THSD4: variants seen among roughly 807,000 people sequenced by gnomAD.
THSD4 encodes the protein thrombospondin type 1 domain containing 4, also known as thrombospondin type-1 domain-containing protein 4.
THSD4 carries 69 observed loss-of-function variants against 119.0 expected under a neutral mutation model. That is an observed-to-expected ratio of 0.58 (90% CI 0.48 to 0.71). The LOEUF is 0.71. Ranked by LOEUF, THSD4 falls within the 30% of genes least tolerant of loss-of-function variation. The probability of loss-of-function intolerance (pLI) is 0.00; values close to 1 mark genes in which losing one functional copy is unlikely to be tolerated. For synonymous variants in THSD4, 524 were observed against 540.4 expected, an observed-to-expected ratio of 0.97 and a Z score of 0.42; for missense variants, 1,393 against 1,391.1, an observed-to-expected ratio of 1.00 and a Z score of -0.02.
intron 7 of THSD4, among the ~76,000 whole-genome samples, chr15:71,596,119 TGTGA>T (rs373926195): frequency 1.6e-4 from 25 of 152,356 alleles, no homozygotes; most frequent in African/African-American, 5.3e-4. Context: ...GCTTTTATCT[TGTGA>T]GTATTTGTTT....
chr15:71,744,866 A>AT (rs1282405240), intron 11 of THSD4, among the ~76,000 whole-genome samples: 1 of 152,180 alleles, frequency 6.6e-6, no homozygotes, highest in African/African-American at 2.4e-5. Flanking sequence ...CAAATAGATT[A>AT]TTGATTCCTT....
At chr15:71,265,200 C>A (rs184766957) in intron 6 of THSD4, among the ~76,000 whole-genome samples, 9 of 152,134 alleles carry the variant, frequency 5.9e-5, no homozygotes, top group Admixed American at 5.9e-4. Flanking sequence ...TCTGCAGCTC[C>A]CAGCAAGATC....
intron 3 of THSD4, among the ~76,000 whole-genome samples, chr15:71,199,891 GTATGTGTGTGTGGTGCATGTGT>G (rs1271598812): frequency 6.3e-4 from 36 of 56,792 alleles, no homozygotes; most frequent in Non-Finnish European, 1.0e-3. Context: ...TGCATGTGTG[GTATGTGTGTGTGGTGCATGTGT>G]GGGGTGTGTG....
chr15:71,232,746 G>A (rs760274367), intron 4 of THSD4, among the ~76,000 whole-genome samples: 4 of 152,158 alleles, frequency 2.6e-5, no homozygotes, highest in Non-Finnish European at 4.4e-5. Flanking sequence ...GATGAAGGGT[G>A]GAATGTGACA....
At chr15:71,402,807 G>A (rs2046555186) in intron 6 of THSD4, among the ~76,000 whole-genome samples, 1 of 152,132 alleles carries the variant, frequency 6.6e-6, no homozygotes, top group Non-Finnish European at 1.5e-5. Context: ...GGTTATCTGG[G>A]CACCATAGTG....
At chr15:71,466,344 CAA>C (rs66981958) in intron 7 of THSD4, among the ~76,000 whole-genome samples, 28,278 of 117,208 alleles carry the variant, frequency 0.24, 2,959 homozygotes, top group South Asian at 0.41. Context: ...GACTCCATCT[CAA>C]AAAAAAAAAA....
At chr15:71,155,189 G>C (rs144726182) in intron 3 of THSD4, among the ~76,000 whole-genome samples, 1 of 152,194 alleles carries the variant, frequency 6.6e-6, no homozygotes, top group South Asian at 2.1e-4. Flanking sequence ...GGTCATCTGC[G>C]TGGCTTCTGT....
At chr15:71,340,373 T>TGG (rs1352228770) in intron 6 of THSD4, among the ~76,000 whole-genome samples, 2 of 152,206 alleles carry the variant, frequency 1.3e-5, no homozygotes, top group African/African-American at 4.8e-5. Context: ...GAACTCTGAA[T>TGG]GGGAGCTTAG....
At chr15:71,116,059 C>T (rs1019381416) in intron 1 of THSD4, among the ~76,000 whole-genome samples, 1 of 152,228 alleles carries the variant, frequency 6.6e-6, no homozygotes, top group African/African-American at 2.4e-5. Flanking sequence ...CGGGTCGGGT[C>T]GGAGGGGACC....
chr15:71,237,935 A>G (rs1329989357), intron 4 of THSD4, among the ~76,000 whole-genome samples: 1 of 152,144 alleles, frequency 6.6e-6, no homozygotes, highest in Non-Finnish European at 1.5e-5. Flanking sequence ...CATTATCTCA[A>G]CAACTATTAT....
intron 7 of THSD4, among the ~76,000 whole-genome samples, chr15:71,627,331 G>A (rs1381533230): frequency 6.6e-6 from 1 of 152,206 alleles, no homozygotes; most frequent in East Asian, 1.9e-4. Flanking sequence ...CTGTGACAGG[G>A]CCAGTAGGGC....
chr15:71,108,897 C>A (rs2040285278), intron 1 of THSD4, among the ~76,000 whole-genome samples: 1 of 152,142 alleles, frequency 6.6e-6, no homozygotes, highest in Non-Finnish European at 1.5e-5. Flanking sequence ...GAGGCTGAGG[C>A]AGGAGAATTT....
At chr15:71,430,618 G>T (rs549286952) in intron 7 of THSD4, among the ~76,000 whole-genome samples, 2 of 151,814 alleles carry the variant, frequency 1.3e-5, no homozygotes, top group Non-Finnish European at 2.9e-5. Context: ...TTAGCTGGGC[G>T]TGGTGGTGCC....
intron 7 of THSD4, among the ~76,000 whole-genome samples, chr15:71,559,748 A>G (rs1386870102): frequency 6.6e-6 from 1 of 152,188 alleles, no homozygotes; most frequent in East Asian, 1.9e-4. Flanking sequence ...AATGCAAAGG[A>G]TGGCCTTTAG....
At chr15:71,364,678 G>A (rs1010978367) in intron 6 of THSD4, among the ~76,000 whole-genome samples, 40 of 152,154 alleles carry the variant, frequency 2.6e-4, no homozygotes, top group African/African-American at 8.9e-4. Context: ...CTCATATTTC[G>A]AATCATTAGT....
At position 71,215,130 on chromosome 15, in the gene THSD4, C is replaced by T. The variant is rs2043920607; in HGVS notation, c.195C>T (p.Cys65=). The part of the protein sequence containing the change: ...VWGAWGPWSA[C]SRSCSGGVME... ...GCGCCTGGGGCCCCTGGTCGGCCTG[C>T]TCGCGTAGCTGCAGCGGCGGCGTGA... The change falls in exon 4 of 18, where the codon TGC becomes TGT. Residue 65 remains cysteine (C), a synonymous_variant. Coordinates refer to ENST00000261862, the MANE Select transcript of THSD4 (RefSeq NM_024817.3). 7.3e-7 allele frequency: 1 copy of T among 1,368,354 alleles called. No individual in the cohort carries two copies. The highest frequency in any genetic ancestry group is 9.5e-7 in the Non-Finnish European group (1 of 1,056,504). 84.8% of individuals were successfully genotyped at this position (1,368,354 alleles called of 1,614,324 possible).
At chr15:71,119,679 A>G (rs2040392748) in intron 1 of THSD4, among the ~76,000 whole-genome samples, 1 of 152,150 alleles carries the variant, frequency 6.6e-6, no homozygotes, top group Admixed American at 6.5e-5. Flanking sequence ...GCTCAGGGAG[A>G]AAGACCAGGG....
intron 8 of THSD4, among the ~76,000 whole-genome samples, chr15:71,681,622 C>T (rs1008042705): frequency 6.7e-6 from 1 of 150,262 alleles, no homozygotes; most frequent in African/African-American, 2.5e-5. Context: ...TTGCAGTGAG[C>T]CAAGATGGTT....
upstream of THSD4, chr15:71,112,065 T>C (rs1351453731): frequency 1.2e-6 from 2 of 1,601,690 alleles, no homozygotes; most frequent in South Asian, 1.1e-5. Context: ...GTTGCTCTTA[T>C]TCCAGTTCCA....
Sources: allele counts gnomAD v4.1 joint callset (sites outside exome capture counted in the v4.1 genomes callset), GRCh38; gene constraint gnomAD v4.1.1; transcripts MANE v1.5; gene names NCBI Gene and HGNC (gene_info 2026-07-23, HGNC 2026-07-21).